PCDHA13: variants seen among roughly 807,000 people sequenced by gnomAD.
PCDHA13 encodes the protein protocadherin alpha-13.
In PCDHA13, 54 loss-of-function variants were observed where a neutral mutation model predicts 64.8. That is an observed-to-expected ratio of 0.83 (90% CI 0.67 to 1.04). PCDHA13 has a LOEUF of 1.04. Ranked by LOEUF, PCDHA13 falls within the 50% of genes least tolerant of loss-of-function variation. PCDHA13 has a pLI of 0.00. For synonymous variants in PCDHA13, 587 were observed against 564.4 expected, an observed-to-expected ratio of 1.04 and a Z score of -0.57; for missense variants, 1,248 against 1,254.3, an observed-to-expected ratio of 0.99 and a Z score of 0.08.
chr5:141,006,441 C>T (rs2098274470), intron 3 of PCDHA13, among the ~76,000 whole-genome samples: 1 of 152,110 alleles, frequency 6.6e-6, no homozygotes, highest in Non-Finnish European at 1.5e-5. Flanking sequence ...TCTCAATCTC[C>T]TGACCTCGAG....
chr5:140,977,543 A>G (rs905389015), intron 1 of PCDHA13, among the ~76,000 whole-genome samples: 3 of 152,224 alleles, frequency 2.0e-5, no homozygotes. Context: ...AGCAGCTTGC[A>G]TATGCATATC....
In PCDHA13 at chr5:140,884,293, GC is replaced by G; in HGVS notation, c.2027del (p.Pro676HisfsTer25). On this transcript the variant is annotated frameshift_variant, in exon 1 of 4. Transcript: ENST00000289272. LOFTEE classifies it high-confidence loss of function. Reference protein sequence around the residue: ...LLSLVESGQAPQASSRASAGA... With the variant: ...LLSLVESGQAXQASSRASAGA... ...TGTCGCTGGTGGAGAGCGGCCAAGC[GC>G]CACAGGCTTCGTCGAGGGCGTCGGC... is the stretch of plus-strand genomic sequence containing the variant. 6.2e-7 allele frequency: 1 copy of G among 1,613,666 alleles called. No individual in the cohort carries two copies. The highest frequency in any genetic ancestry group is 8.5e-7 in the Non-Finnish European group (1 of 1,179,816).
Position 140,884,140 on chromosome 5 carries a change from G to C in PCDHA13, c.1872G>C (p.Val624=). 1 of 1,613,412 alleles carries C rather than the reference G, an allele frequency of 6.2e-7. No homozygotes were observed. The highest frequency in any genetic ancestry group is 8.5e-7 in the Non-Finnish European group (1 of 1,179,734). ...TCGGCGCGCGCATCCCGTTCCGCGT[G>C]GGGCTGTACACTGGCGAGATCAGCA... is the stretch of plus-strand genomic sequence containing the variant. ...AAVGARIPFR[V]GLYTGEISTT... Residue 624 remains valine (V), a synonymous_variant, in exon 1 of 4, where the codon GTG becomes GTC. Coordinates refer to ENST00000289272, the MANE Select transcript of PCDHA13 (RefSeq NM_018904.3).
chr5:140,928,731 C>T, intron 1 of PCDHA13: 2 of 1,614,164 alleles, frequency 1.2e-6, no homozygotes, highest in Non-Finnish European at 1.7e-6. Context: ...GAATTTCAGC[C>T]AATATAGGTG....
Position 141,009,690 on chromosome 5 carries a change from TTAAA to T in PCDHA13, c.2609_2612del (p.Lys870ThrfsTer44). On this transcript the variant is annotated frameshift_variant, in exon 4 of 4. Transcript: ENST00000289272. LOFTEE classifies it high-confidence loss of function. ...GGTGTCAACAGCAACAGCTGGACCT[TTAAA>T]TACGGACCAGGCAACCCCAAACAAT... 6.2e-7 allele frequency: 1 copy of T among 1,614,068 alleles called. No individual in the cohort carries two copies. Among genetic ancestry groups the T allele is most frequent in the Non-Finnish European group, 8.5e-7 (1 of 1,180,024 alleles).
intron 1 of PCDHA13, among the ~76,000 whole-genome samples, chr5:140,897,304 G>C (rs1297881439): frequency 1.7e-4 from 25 of 150,768 alleles, no homozygotes; most frequent in African/African-American, 6.1e-4. Flanking sequence ...TTTAGCATTA[G>C]GTATATCTCC....
intron 1 of PCDHA13, chr5:140,968,903 A>G: frequency 6.2e-7 from 1 of 1,614,216 alleles, no homozygotes; most frequent in Non-Finnish European, 8.5e-7. Context: ...AATAGCATTA[A>G]GCACAGTGTC....
intron 1 of PCDHA13, among the ~76,000 whole-genome samples, chr5:140,946,098 A>G (rs1249581075): frequency 6.6e-6 from 1 of 152,114 alleles, no homozygotes; most frequent in Non-Finnish European, 1.5e-5. Flanking sequence ...AGGAGTTAAC[A>G]TACCAAATAT....
At chr5:141,003,178 A>C (rs2098114996) in intron 3 of PCDHA13, among the ~76,000 whole-genome samples, 1 of 152,180 alleles carries the variant, frequency 6.6e-6, no homozygotes, top group East Asian at 1.9e-4. Context: ...CTGAGGCTCA[A>C]CTCCATCAAC....
At chr5:140,978,795 G>T in intron 1 of PCDHA13, 154 bp from the exon 2 acceptor site, 1 of 979,238 alleles carries the variant, frequency 1.0e-6, no homozygotes, top group Non-Finnish European at 1.2e-6. Flanking sequence ...TGCTATATAT[G>T]TAGATATCAT....
intron 1 of PCDHA13, among the ~76,000 whole-genome samples, chr5:140,909,996 T>C (rs549464312): frequency 1.3e-5 from 2 of 152,192 alleles, no homozygotes; most frequent in African/African-American, 4.8e-5. Context: ...ACAGCATAAA[T>C]TGTTGTCAGT....
chr5:140,962,034 C>T (rs527918306), intron 1 of PCDHA13, among the ~76,000 whole-genome samples: 1 of 152,172 alleles, frequency 6.6e-6, no homozygotes, highest in South Asian at 2.1e-4. Context: ...CAGGCACCCA[C>T]CACCATGCCT....
At position 141,010,421 on chromosome 5, in the gene PCDHA13, A is replaced by T. The variant is rs1486731012; in HGVS notation, c.*484A>T. The T allele has an allele frequency of 8.7e-7, 1 of 1,148,142 alleles. No homozygotes were observed. Among genetic ancestry groups the T allele is most frequent in the Admixed American group, 2.9e-5 (1 of 34,726 alleles). The allele number at this position is 1,148,142 out of a possible 1,614,324, so 71.1% of individuals were successfully genotyped here. A position where few individuals can be genotyped will look rare whatever the true frequency, so the allele number is the denominator to read the frequency against. ...CAGCTTAGACTAATTGGTACAAGGAAGGCAAGAAAACAAAGACAAATAAAC... is the reference window on the plus strand; with the variant it reads ...CAGCTTAGACTAATTGGTACAAGGATGGCAAGAAAACAAAGACAAATAAAC... On this transcript the variant is annotated 3_prime_UTR_variant, in exon 4 of 4. Coordinates refer to ENST00000289272, the MANE Select transcript of PCDHA13 (RefSeq NM_018904.3).
chr5:140,988,097 C>T (rs2097282934), intron 3 of PCDHA13, among the ~76,000 whole-genome samples: 1 of 152,084 alleles, frequency 6.6e-6, no homozygotes, highest in Admixed American at 6.5e-5. Flanking sequence ...AGCCTCGGGC[C>T]TTGTTGGAGA....
At chr5:141,008,626 A>G (rs375674921) in intron 3 of PCDHA13, among the ~76,000 whole-genome samples, 1 of 152,222 alleles carries the variant, frequency 6.6e-6, no homozygotes. Context: ...TTTCTCAAGT[A>G]TAATTAACAA....
Position 141,009,983 on chromosome 5 carries a change from G to A in PCDHA13, c.*46G>A, listed in dbSNP as rs1554262629. The A allele has an allele frequency of 1.9e-6, 3 of 1,581,862 alleles. No homozygotes were observed. Among genetic ancestry groups the A allele is most frequent in the Non-Finnish European group, 2.6e-6 (3 of 1,167,526 alleles). On this transcript the variant is annotated 3_prime_UTR_variant, in exon 4 of 4. Coordinates refer to ENST00000289272, the MANE Select transcript of PCDHA13 (RefSeq NM_018904.3). ...CCACTTAGCCAGTTTTTGTAATAAT[G>A]GCAAATCTCTCCCATGTAGCAATTC...
chr5:140,958,492 A>G (rs2095426229), intron 1 of PCDHA13, among the ~76,000 whole-genome samples: 1 of 152,112 alleles, frequency 6.6e-6, no homozygotes, highest in Non-Finnish European at 1.5e-5. Context: ...AAGTCCACAT[A>G]TCCTAGGAGG....
chr5:140,934,377 G>A (rs1183246116), intron 1 of PCDHA13, among the ~76,000 whole-genome samples: 2 of 152,050 alleles, frequency 1.3e-5, no homozygotes, highest in Non-Finnish European at 2.9e-5. Flanking sequence ...TCCTTCTGTG[G>A]TTCTATGGTG....
chr5:140,968,526 C>G, intron 1 of PCDHA13: 3 of 1,614,200 alleles, frequency 1.9e-6, no homozygotes, highest in Middle Eastern at 1.6e-4. Context: ...TCAACCAACT[C>G]GTCAGCAGCC....
Sources: allele counts gnomAD v4.1 joint callset (sites outside exome capture counted in the v4.1 genomes callset), GRCh38; gene constraint gnomAD v4.1.1; transcripts MANE v1.5; gene names NCBI Gene and HGNC (gene_info 2026-07-23, HGNC 2026-07-21).